C12orf50: variants seen among roughly 807,000 people sequenced by gnomAD.
C12orf50 encodes the protein uncharacterized protein C12orf50.
C12orf50 carries 35 observed loss-of-function variants against 61.6 expected under a neutral mutation model. The ratio of observed to expected loss-of-function variants is 0.57; its 90% CI spans 0.43 to 0.75. The LOEUF (loss-of-function observed/expected upper bound fraction) is 0.75. Ranked by LOEUF, C12orf50 falls within the 30% of genes least tolerant of loss-of-function variation. The pLI, the probability that C12orf50 is intolerant of heterozygous loss-of-function variation, is 0.00. For synonymous variants in C12orf50, 178 were observed against 161.5 expected, an observed-to-expected ratio of 1.10 and a Z score of -0.77; for missense variants, 475 against 488.5, an observed-to-expected ratio of 0.97 and a Z score of 0.26.
chr12:87,994,819 G>T, intron 6 of C12orf50, 76 bp from the exon 7 acceptor site: 1 of 893,778 alleles, frequency 1.1e-6, no homozygotes, highest in Non-Finnish European at 1.8e-6. Context: ...TAGAATGCAT[G>T]ATGAAAGTAA....
chr12:87,986,193 G>T, intron 10 of C12orf50, 119 bp downstream of exon 10: 1 of 1,209,644 alleles, frequency 8.3e-7, no homozygotes, highest in Non-Finnish European at 1.2e-6. Flanking sequence ...AAGTTGAGTT[G>T]ACCCCTAAAG....
intron 11 of C12orf50, chr12:87,984,042 C>G (rs1224898718): frequency 6.7e-6 from 1 of 149,766 alleles, no homozygotes; most frequent in Non-Finnish European, 1.5e-5. Flanking sequence ...CACATCCTCT[C>G]CAGCACCTGT....
chr12:88,006,073 C>G (rs1310360988), intron 3 of C12orf50, among the ~76,000 whole-genome samples: 1 of 151,936 alleles, frequency 6.6e-6, no homozygotes, highest in African/African-American at 2.4e-5. Flanking sequence ...CCCGCCACCA[C>G]GCCCCGCTAA....
intron 3 of C12orf50, among the ~76,000 whole-genome samples, chr12:88,011,513 T>C (rs1475040532): frequency 6.6e-6 from 1 of 152,168 alleles, no homozygotes; most frequent in Non-Finnish European, 1.5e-5. Flanking sequence ...TTCTAAACAA[T>C]TGAGTATTAA....
At chr12:88,025,994 G>A (rs2032691643) in intron 3 of C12orf50, among the ~76,000 whole-genome samples, 1 of 152,250 alleles carries the variant, frequency 6.6e-6, no homozygotes, top group African/African-American at 2.4e-5. Flanking sequence ...TTGTAGCAAT[G>A]GCATTGCATT....
intron 3 of C12orf50, among the ~76,000 whole-genome samples, chr12:87,999,521 T>G (rs1006598361): frequency 6.6e-6 from 1 of 152,150 alleles, no homozygotes; most frequent in Non-Finnish European, 1.5e-5. Flanking sequence ...CAATAACAAG[T>G]GTTGTCAAGG....
intron 3 of C12orf50, among the ~76,000 whole-genome samples, chr12:88,013,498 T>C (rs1030772573): frequency 6.6e-6 from 1 of 152,190 alleles, no homozygotes; most frequent in Admixed American, 6.5e-5. Flanking sequence ...TGCAGTTATA[T>C]AGGAGAATGC....
intron 7 of C12orf50, among the ~76,000 whole-genome samples, chr12:87,993,350 C>T (rs1371209537): frequency 6.6e-6 from 1 of 152,142 alleles, no homozygotes; most frequent in African/African-American, 2.4e-5. Context: ...TCGATTAGAA[C>T]TGCTCGGGTT....
chr12:88,019,207 C>T (rs907439011), intron 3 of C12orf50, among the ~76,000 whole-genome samples: 2 of 151,948 alleles, frequency 1.3e-5, no homozygotes, highest in Non-Finnish European at 2.9e-5. Context: ...AGGTATTTCC[C>T]ATGCTGTTCT....
At chr12:88,006,624 C>T (rs2031895225) in intron 3 of C12orf50, among the ~76,000 whole-genome samples, 1 of 152,146 alleles carries the variant, frequency 6.6e-6, no homozygotes, top group Non-Finnish European at 1.5e-5. Flanking sequence ...TAATTGAGGT[C>T]CTGTTATTCC....
intron 8 of C12orf50, among the ~76,000 whole-genome samples, chr12:87,988,986 TA>T (rs1336866034): frequency 6.6e-6 from 1 of 152,082 alleles, no homozygotes; most frequent in South Asian, 2.1e-4. Flanking sequence ...TATTATAAAT[TA>T]AAGGACTTGG....
intron 3 of C12orf50, among the ~76,000 whole-genome samples, chr12:88,001,039 A>C (rs554464209): frequency 7.2e-5 from 11 of 151,922 alleles, no homozygotes; most frequent in Non-Finnish European, 8.9e-5. Context: ...CCCTGTCTTG[A>C]CTGCAAATGA....
chr12:87,999,070 A>G (rs1045677121), intron 3 of C12orf50, among the ~76,000 whole-genome samples: 16 of 152,188 alleles, frequency 1.1e-4, no homozygotes, highest in Admixed American at 1.0e-3. Context: ...AAAGCAGTCA[A>G]TGAAAAGTAG....
In C12orf50 at chr12:87,980,223, A is replaced by C. The variant is rs1000881587; in HGVS notation, c.*108T>G. ...TTTATCATCTTTGGCTATCCACTAC[A>C]TAACATGGAGTACTTGAGTATCTCA... On this transcript the variant is annotated 3_prime_UTR_variant, in exon 13 of 13. Coordinates refer to ENST00000298699, the MANE Select transcript of C12orf50 (RefSeq NM_152589.3). 10 of 1,111,260 alleles carry C rather than the reference A, an allele frequency of 9.0e-6. No individual in the cohort carries two copies. The African/African-American group carries it at 1.3e-4, about 14-fold the overall frequency. The allele number at this position is 1,111,260 out of a possible 1,614,324, so 68.8% of individuals were successfully genotyped here.
chr12:87,995,005 A>G (rs1051674252), intron 6 of C12orf50, among the ~76,000 whole-genome samples: 2 of 152,162 alleles, frequency 1.3e-5, no homozygotes, highest in Non-Finnish European at 2.9e-5. Context: ...ACTATTGTAT[A>G]TACATAATAT....
intron 3 of C12orf50, among the ~76,000 whole-genome samples, chr12:88,005,719 A>G (rs2031834957): frequency 6.6e-6 from 1 of 151,768 alleles, no homozygotes; most frequent in Non-Finnish European, 1.5e-5. Flanking sequence ...GGCTCACTGC[A>G]AGCTCCGCCT....
intron 7 of C12orf50, among the ~76,000 whole-genome samples, chr12:87,990,716 G>A (rs2031078791): frequency 1.3e-5 from 2 of 151,912 alleles, no homozygotes; most frequent in Admixed American, 6.6e-5. Flanking sequence ...ATAACAAGCA[G>A]AAAGCGACAC....
intron 3 of C12orf50, among the ~76,000 whole-genome samples, chr12:88,007,500 T>G (rs867666987): frequency 5.3e-5 from 8 of 152,188 alleles, no homozygotes; most frequent in Non-Finnish European, 8.8e-5. Context: ...TGGTCTCTAT[T>G]GAGGACTCCC....
At position 87,996,387 on chromosome 12, in the gene C12orf50, AC is replaced by A. The variant is rs1229382665; in HGVS notation, c.467del (p.Ser156MetfsTer24). 5.0e-6 allele frequency: 8 copies of A among 1,608,260 alleles called. No individual in the cohort carries two copies. Among genetic ancestry groups the A allele is most frequent in the Non-Finnish European group, 6.8e-6 (8 of 1,175,124 alleles). On this transcript the variant is annotated frameshift_variant, in exon 6 of 13. Coordinates refer to ENST00000298699, the MANE Select transcript of C12orf50 (RefSeq NM_152589.3). LOFTEE classifies it high-confidence loss of function. ...KQLEKPLENG[S>X]ELQEGDSLTV... Reference sequence around the variant, plus strand: ...TTCATTTCTTACCTTCTTGCAATTCACTGCCATTTTCCAAAGGCTTTTCTAA... The same window carrying A: ...TTCATTTCTTACCTTCTTGCAATTCATGCCATTTTCCAAAGGCTTTTCTAA...
Sources: allele counts gnomAD v4.1 joint callset (sites outside exome capture counted in the v4.1 genomes callset), GRCh38; gene constraint gnomAD v4.1.1; transcripts MANE v1.5; gene names NCBI Gene and HGNC (gene_info 2026-07-23, HGNC 2026-07-21).